TRAP1: variants seen among roughly 807,000 people sequenced by gnomAD.
The protein encoded by TRAP1 is heat shock protein 75 kDa, mitochondrial.
TRAP1 carries 102 observed loss-of-function variants against 89.1 expected under a neutral mutation model. The observed-to-expected ratio is 1.15, with a 90% CI of 0.98 to 1.35. TRAP1 has a LOEUF of 1.35. Ranked by LOEUF, TRAP1 falls within the 40% of genes most tolerant of loss-of-function variation. The pLI, the probability that TRAP1 is intolerant of heterozygous loss-of-function variation, is 0.00. For missense variants in TRAP1, 1,256 were observed against 945.3 expected, an observed-to-expected ratio of 1.33 and a Z score of -4.31; for synonymous variants, 508 against 388.0, an observed-to-expected ratio of 1.31 and a Z score of -3.64.
chr16:3,664,266 T>A lies in TRAP1; in HGVS notation c.1569+8A>T, dbSNP rs777525310. On this transcript the variant is annotated splice_region_variant and intron_variant, in intron 13 of 17. Coordinates refer to ENST00000246957, the MANE Select transcript of TRAP1 (RefSeq NM_016292.3). ...CCCCGGAGCCCGCCCCACCCACCGC[T>A]CACCCACCTCTGTGTCTTTCTTCTT... is the stretch of plus-strand genomic sequence containing the variant. 3.2e-6 allele frequency: 5 copies of A among 1,563,150 alleles called. No individual in the cohort carries two copies. The highest frequency in any genetic ancestry group is 3.5e-6 in the Non-Finnish European group (4 of 1,154,184).
chr16:3,703,112 C>T (rs1175116491), intron 1 of TRAP1, among the ~76,000 whole-genome samples: 1 of 147,784 alleles, frequency 6.8e-6, no homozygotes, highest in Non-Finnish European at 1.5e-5. Flanking sequence ...CCCGGACGTC[C>T]TATATACAGA....
At chr16:3,678,013 G>C (rs1270069134) in intron 5 of TRAP1, 1 of 225,262 alleles carries the variant, frequency 4.4e-6, no homozygotes, top group South Asian at 7.2e-5. Flanking sequence ...GGAAGGCCAG[G>C]AGTGAGGAGA....
chr16:3,668,744 C>T (rs1277740137), intron 11 of TRAP1, among the ~76,000 whole-genome samples: 1 of 152,220 alleles, frequency 6.6e-6, no homozygotes, highest in Non-Finnish European at 1.5e-5. Flanking sequence ...GCCAGGAATG[C>T]AGCTCCCTTA....
intron 12 of TRAP1, chr16:3,665,263 G>A (rs1381590371): frequency 1.3e-5 from 2 of 152,264 alleles, no homozygotes; most frequent in African/African-American, 2.4e-5. Context: ...CACACACGTG[G>A]TCACCCTCCT....
At chr16:3,716,035 G>T (rs1404362732) in intron 1 of TRAP1, among the ~76,000 whole-genome samples, 2 of 151,802 alleles carry the variant, frequency 1.3e-5, no homozygotes, top group African/African-American at 4.8e-5. Context: ...GCTAATTTTT[G>T]TATTTTTAGT....
intron 15 of TRAP1, chr16:3,662,460 T>C: frequency 1.9e-6 from 1 of 530,330 alleles, no homozygotes; most frequent in Non-Finnish European, 3.4e-6. Context: ...CATGGGACGC[T>C]CATTTCTCAC....
chr16:3,686,067 C>G lies in TRAP1; in HGVS notation c.400G>C (p.Asp134His), dbSNP rs1220616016. 3 of 1,614,120 alleles carry G rather than the reference C, an allele frequency of 1.9e-6. No homozygotes were observed. Among genetic ancestry groups the G allele is most frequent in the Non-Finnish European group, 2.5e-6 (3 of 1,180,000 alleles). Reference protein sequence around the residue: ...LEKLRHKLVSDGQALPEMEIH... With the variant: ...LEKLRHKLVSHGQALPEMEIH... ...TCCATTTCTGGCAGTGCTTGGCCGT[C>G]AGACACCAGTTTGTGACGCAGTTTT... is the stretch of plus-strand genomic sequence containing the variant. Residue 134 changes from aspartate to histidine, a missense_variant, in exon 4 of 18, where the codon GAC becomes CAC. Asp to His is a moderately conservative substitution (Grantham distance 81). Coordinates refer to ENST00000246957, the MANE Select transcript of TRAP1 (RefSeq NM_016292.3).
chr16:3,677,219 G>C (rs1377970434), intron 6 of TRAP1, among the ~76,000 whole-genome samples: 2 of 152,150 alleles, frequency 1.3e-5, no homozygotes, highest in African/African-American at 4.8e-5. Context: ...CAGGCGACAG[G>C]CCAGTCCTGC....
At chr16:3,658,659 A>AAC in intron 17 of TRAP1, 134 bp downstream of exon 17, 1 of 867,036 alleles carries the variant, frequency 1.2e-6, no homozygotes, top group Non-Finnish European at 1.8e-6. Flanking sequence ...GCAACAGAGC[A>AAC]ACACTCCATC....
chr16:3,680,107 G>T (rs1167619050), intron 4 of TRAP1: 1 of 249,230 alleles, frequency 4.0e-6, no homozygotes, highest in Admixed American at 4.6e-5. Context: ...AGCACCTGTG[G>T]TTCCAGCTAC....
chr16:3,694,908 C>A (rs1222317981), intron 1 of TRAP1, among the ~76,000 whole-genome samples: 1 of 152,138 alleles, frequency 6.6e-6, no homozygotes, highest in Non-Finnish European at 1.5e-5. Context: ...GATCAAGGTG[C>A]CACTAGGGCT....
rs77265348 is a variant in TRAP1 at position 3,670,926 on chromosome 16, G to A, written c.1235+796C>T. Among the ~76,000 whole-genome samples the A allele has an allele frequency of 2.8e-4, 43 of 152,182 alleles. No homozygotes were observed. The East Asian group carries it at 3.7e-3, about 13-fold the overall frequency. ...GAATCTCTGAGGACCAGTGCCTCTC[G>A]GTGTGGGCCTCTCGCCATGCCCACA... On this transcript the variant is annotated intron_variant, in intron 11 of 17. Coordinates refer to ENST00000246957, the MANE Select transcript of TRAP1 (RefSeq NM_016292.3).
chr16:3,658,993 A>AT, intron 16 of TRAP1, 128 bp from the exon 17 acceptor site: 1 of 869,640 alleles, frequency 1.1e-6, no homozygotes, highest in Non-Finnish European at 1.8e-6. Flanking sequence ...TAAATAAGGT[A>AT]TGTTAATGAT....
chr16:3,702,551 T>C (rs938529272), intron 1 of TRAP1, among the ~76,000 whole-genome samples: 1 of 151,620 alleles, frequency 6.6e-6, no homozygotes, highest in Admixed American at 6.6e-5. Flanking sequence ...GAGACCAGCA[T>C]GGGCAAACTG....
intron 1 of TRAP1, among the ~76,000 whole-genome samples, chr16:3,715,196 T>C (rs566893472): frequency 6.6e-6 from 1 of 152,190 alleles, no homozygotes; most frequent in African/African-American, 2.4e-5. Flanking sequence ...CCCAGCACTT[T>C]GGGAGGCCGA....
chr16:3,694,136 C>T (rs2051255070), intron 1 of TRAP1, among the ~76,000 whole-genome samples: 1 of 152,040 alleles, frequency 6.6e-6, no homozygotes, highest in South Asian at 2.1e-4. Flanking sequence ...CTTTGCAGAC[C>T]CTCCAGGCTC....
At chr16:3,709,299 C>T (rs2051495041) in intron 1 of TRAP1, among the ~76,000 whole-genome samples, 2 of 147,514 alleles carry the variant, frequency 1.4e-5, no homozygotes, top group South Asian at 2.1e-4. Context: ...AAACAAGAAA[C>T]ATCAATGGCT....
intron 1 of TRAP1, among the ~76,000 whole-genome samples, chr16:3,701,059 A>C (rs971190245): frequency 2.6e-5 from 4 of 152,230 alleles, no homozygotes; most frequent in Non-Finnish European, 5.9e-5. Flanking sequence ...TCTACAAGAC[A>C]CTTTAAACAT....
intron 1 of TRAP1, among the ~76,000 whole-genome samples, chr16:3,692,100 A>G (rs1055712255): frequency 6.6e-6 from 1 of 152,180 alleles, no homozygotes; most frequent in African/African-American, 2.4e-5. Context: ...GGTGTCAAGG[A>G]TATGTGGCCA....
Sources: gnomAD v4.1 joint callset for allele counts (sites outside exome capture counted in the v4.1 genomes callset) on GRCh38, gnomAD v4.1.1 for gene constraint, MANE v1.5 for transcripts, NCBI Gene and HGNC (gene_info 2026-07-23, HGNC 2026-07-21) for gene names.